Variants in NTRK3 observed in about 807,000 individuals in gnomAD.
NTRK3 encodes the protein neurotrophic receptor tyrosine kinase 3, also known as NT-3 growth factor receptor.
Under a neutral mutation model 91.7 loss-of-function variants are expected in NTRK3, and 24 were observed. That is an observed-to-expected ratio of 0.26 (90% CI 0.19 to 0.37). The LOEUF is 0.37. Ranked by LOEUF, NTRK3 falls within the 10% of genes least tolerant of loss-of-function variation. The probability of loss-of-function intolerance (pLI) is 1.00; values close to 1 mark genes in which losing one functional copy is unlikely to be tolerated. For synonymous variants in NTRK3, 483 were observed against 404.0 expected, an observed-to-expected ratio of 1.20 and a Z score of -2.34; for missense variants, 880 against 1,068.9, an observed-to-expected ratio of 0.82 and a Z score of 2.46.
intron 13 of NTRK3, among the ~76,000 whole-genome samples, chr15:88,110,273 G>T (rs534431622): frequency 2.0e-5 from 3 of 152,288 alleles, no homozygotes; most frequent in Non-Finnish European, 4.4e-5. Context: ...CATGGAGGTG[G>T]GATCTTAGGA....
At chr15:88,141,574 C>G (rs768384477) in intron 6 of NTRK3, among the ~76,000 whole-genome samples, 1 of 152,206 alleles carries the variant, frequency 6.6e-6, no homozygotes, top group Non-Finnish European at 1.5e-5. Flanking sequence ...AAGATGCAGT[C>G]ATTCATTATT....
At chr15:87,909,072 A>C (rs538755088) in intron 17 of NTRK3, among the ~76,000 whole-genome samples, 1 of 152,116 alleles carries the variant, frequency 6.6e-6, no homozygotes, top group South Asian at 2.1e-4. Flanking sequence ...AAAATCCCTG[A>C]ATTCACCACT....
intron 13 of NTRK3, among the ~76,000 whole-genome samples, chr15:88,103,207 C>A (rs1045705379): frequency 6.6e-6 from 1 of 152,070 alleles, no homozygotes; most frequent in African/African-American, 2.4e-5. Context: ...GTGATTAGTA[C>A]CCACAATCAG....
intron 5 of NTRK3, among the ~76,000 whole-genome samples, chr15:88,167,124 T>C (rs2045039856): frequency 6.6e-6 from 1 of 152,182 alleles, no homozygotes; most frequent in Admixed American, 6.5e-5. Context: ...CTAATAGAGA[T>C]TTTGAACCTA....
chr15:88,121,380 C>T (rs2052687453), intron 13 of NTRK3, among the ~76,000 whole-genome samples: 1 of 152,188 alleles, frequency 6.6e-6, no homozygotes. Context: ...AGCTAAAACT[C>T]AGCCAAACCA....
chr15:87,896,748 A>G (rs1313938668), intron 17 of NTRK3, among the ~76,000 whole-genome samples: 2 of 152,142 alleles, frequency 1.3e-5, no homozygotes, highest in Non-Finnish European at 2.9e-5. Context: ...CGCCCCAGTT[A>G]TGGAAACCCC....
At chr15:88,254,267 G>A (rs564867584) in intron 3 of NTRK3, among the ~76,000 whole-genome samples, 2 of 152,270 alleles carry the variant, frequency 1.3e-5, no homozygotes, top group South Asian at 2.1e-4. Context: ...TTCCCTAACA[G>A]TCTCACTCTG....
chr15:88,136,639 C>G (rs573156963), intron 7 of NTRK3, 30 bp from the exon 8 acceptor site: 2 of 1,606,076 alleles, frequency 1.2e-6, no homozygotes, highest in African/African-American at 1.3e-5. Context: ...GGTGAAAAGA[C>G]AGGCAAACAC....
chr15:88,139,789 C>T (rs1286925055), intron 6 of NTRK3, among the ~76,000 whole-genome samples: 3 of 152,050 alleles, frequency 2.0e-5, no homozygotes, highest in Non-Finnish European at 4.4e-5. Flanking sequence ...GTGTGCTGGA[C>T]TTCAAAACTC....
At chr15:88,102,364 G>C (rs1165770457) in intron 13 of NTRK3, among the ~76,000 whole-genome samples, 1 of 152,048 alleles carries the variant, frequency 6.6e-6, no homozygotes, top group Non-Finnish European at 1.5e-5. Flanking sequence ...ACCTGGAAAG[G>C]ACAAAAGAAA....
At chr15:88,120,550 G>A (rs1396396162) in intron 13 of NTRK3, among the ~76,000 whole-genome samples, 2 of 152,080 alleles carry the variant, frequency 1.3e-5, no homozygotes, top group Non-Finnish European at 2.9e-5. Flanking sequence ...TCCCACTTCC[G>A]CTGTCCTGCC....
intron 14 of NTRK3, among the ~76,000 whole-genome samples, chr15:87,979,716 G>T (rs1374576045): frequency 6.6e-6 from 1 of 152,156 alleles, no homozygotes; most frequent in Admixed American, 6.5e-5. Flanking sequence ...TTGGGGGCTT[G>T]GCCTTGGATT....
At chr15:88,162,256 C>T (rs1233931798) in intron 5 of NTRK3, among the ~76,000 whole-genome samples, 1 of 152,212 alleles carries the variant, frequency 6.6e-6, no homozygotes, top group African/African-American at 2.4e-5. Flanking sequence ...AGTCTCACTC[C>T]TTTCTCTTCT....
At chr15:87,937,924 G>A (rs2069452336) in intron 15 of NTRK3, among the ~76,000 whole-genome samples, 1 of 151,076 alleles carries the variant, frequency 6.6e-6, no homozygotes, top group African/African-American at 2.4e-5. Context: ...TGAATCAGAA[G>A]ACCACTGAGG....
chr15:87,963,622 T>C (rs767054557), intron 14 of NTRK3, among the ~76,000 whole-genome samples: 9 of 152,252 alleles, frequency 5.9e-5, no homozygotes, highest in Non-Finnish European at 1.0e-4. Flanking sequence ...TGTAGGCTAA[T>C]GTCAGTGTTC....
intron 3 of NTRK3, among the ~76,000 whole-genome samples, chr15:88,216,088 G>A (rs1350633424): frequency 1.3e-5 from 2 of 152,162 alleles, no homozygotes. Flanking sequence ...TACAGTGTCT[G>A]GCCCAAGGTC....
chr15:88,015,477 T>C (rs1244148853), intron 14 of NTRK3, among the ~76,000 whole-genome samples: 3 of 151,982 alleles, frequency 2.0e-5, no homozygotes, highest in African/African-American at 7.3e-5. Context: ...CCAGTCCAAG[T>C]TTCCCCGCAG....
chr15:88,039,202 G>T (rs1229277500), intron 13 of NTRK3, among the ~76,000 whole-genome samples: 1 of 150,880 alleles, frequency 6.6e-6, no homozygotes, highest in Non-Finnish European at 1.5e-5. Context: ...CCTGTTATCG[G>T]CCTCTCTGCT....
Position 87,979,548 on chromosome 15 carries a change from G to A in NTRK3, c.1586-38795C>T, listed in dbSNP as rs1335990930. The A allele has an allele frequency of 6.9e-6, 6 of 870,266 alleles. No homozygotes were observed. The Admixed American group carries it at 8.3e-5, about 12-fold the overall frequency. The allele number at this position is 870,266 out of a possible 1,614,324, so 53.9% of individuals were successfully genotyped here. A position where few individuals can be genotyped will look rare whatever the true frequency, so the allele number is the denominator to read the frequency against. On this transcript the variant is annotated intron_variant, in intron 14 of 18. Transcript: ENST00000394480. The stretch of plus-strand genomic sequence containing the variant: ...CCCCAAAGAAGATCAAAACTAGGAG[G>A]GGAAATAGAGAGGGAGCTTGAAAGG...
Sources: gnomAD v4.1 joint callset for allele counts (sites outside exome capture counted in the v4.1 genomes callset) on GRCh38, gnomAD v4.1.1 for gene constraint, MANE v1.5 for transcripts, NCBI Gene and HGNC (gene_info 2026-07-23, HGNC 2026-07-21) for gene names.